KRT77: variants seen among roughly 807,000 people sequenced by gnomAD.
KRT77 encodes keratin 77.
KRT77 carries 44 observed loss-of-function variants against 51.5 expected under a neutral mutation model. The ratio of observed to expected loss-of-function variants is 0.85; its 90% CI spans 0.67 to 1.10. The LOEUF (loss-of-function observed/expected upper bound fraction) is 1.10. Ranked by LOEUF, KRT77 falls within the 50% of genes least tolerant of loss-of-function variation. The pLI, the probability that KRT77 is intolerant of heterozygous loss-of-function variation, is 0.00. For missense variants in KRT77, 763 were observed against 743.9 expected, an observed-to-expected ratio of 1.03 and a Z score of -0.30; for synonymous variants, 293 against 302.0, an observed-to-expected ratio of 0.97 and a Z score of 0.31.
chr12:52,694,904 C>G (rs1034835304), intron 4 of KRT77, 114 bp from the exon 5 acceptor site: 5 of 930,458 alleles, frequency 5.4e-6, no homozygotes, highest in Admixed American at 2.6e-5. Flanking sequence ...GCCAGGTAGT[C>G]TTGGGAAAAG....
chr12:52,698,720 T>C (rs1218041663), intron 1 of KRT77, among the ~76,000 whole-genome samples: 1 of 152,234 alleles, frequency 6.6e-6, no homozygotes, highest in Non-Finnish European at 1.5e-5. Context: ...GCCTCCACCT[T>C]TCCTCAGCCA....
At position 52,700,667 on chromosome 12, in the gene KRT77, G is replaced by A. The variant is rs376220470; in HGVS notation, c.543+2225C>T. Among the ~76,000 whole-genome samples the A allele has an allele frequency of 9.2e-5, 14 of 152,308 alleles. No individual in the cohort carries two copies. In the South Asian group the frequency reaches 1.0e-3, roughly 11 times the overall value. On this transcript the variant is annotated intron_variant, in intron 1 of 8. Coordinates refer to ENST00000341809, the MANE Select transcript of KRT77 (RefSeq NM_175078.3). The stretch of plus-strand genomic sequence containing the variant: ...CTCTGCTTACTAGCCATTGTATCCC[G>A]AAAGCTGTTCCACCCAGTGAGGGCA...
rs1941916827 is a variant in KRT77 at position 52,703,416 on chromosome 12, A to G, written c.19T>C (p.Ser7Pro). The change falls in exon 1 of 9, where the codon TCT becomes CCT. Residue 7 changes from serine (S) to proline (P), a missense_variant. By Grantham distance (74) the Ser-to-Pro change is moderately conservative (BLOSUM62 -1). Coordinates refer to ENST00000341809, the MANE Select transcript of KRT77 (RefSeq NM_175078.3). MSHQFS[S>P]QSAFSSMSRR... ...CTCATTGAACTAAACGCGGACTGAG[A>G]ACTAAATTGGTGGCTCATGTTTGCT... The G allele has an allele frequency of 1.3e-6, 2 of 1,586,660 alleles. No homozygotes were observed. Among genetic ancestry groups the G allele is most frequent in the African/African-American group, 1.3e-5 (1 of 74,156 alleles).
intron 1 of KRT77, among the ~76,000 whole-genome samples, chr12:52,702,642 G>T (rs1293554403): frequency 6.6e-6 from 1 of 151,848 alleles, no homozygotes; most frequent in East Asian, 1.9e-4. Context: ...GAATAATTAT[G>T]AATGAGAATG....
chr12:52,692,060 C>T (rs1396471267), intron 7 of KRT77, 88 bp from the exon 8 acceptor site: 10 of 1,409,794 alleles, frequency 7.1e-6, no homozygotes, highest in Non-Finnish European at 9.0e-6. Flanking sequence ...CAGAGGTGTC[C>T]CCAAGCCTTA....
intron 2 of KRT77, among the ~76,000 whole-genome samples, chr12:52,697,101 A>G (rs1941804870): frequency 6.6e-6 from 1 of 152,230 alleles, no homozygotes. Flanking sequence ...CAGCCACAAT[A>G]CTAAGAACTT....
At chr12:52,696,262 C>G in intron 3 of KRT77, 108 bp downstream of exon 3, 1 of 1,006,930 alleles carries the variant, frequency 9.9e-7, no homozygotes, top group Non-Finnish European at 1.6e-6. Flanking sequence ...CACAGCAAGC[C>G]GGCCGTAGAG....
chr12:52,691,350 C>T lies in KRT77; in HGVS notation c.1552G>A (p.Gly518Ser). The T allele has an allele frequency of 6.3e-7, 1 of 1,595,238 alleles. No individual in the cohort carries two copies. Among genetic ancestry groups the T allele is most frequent in the Non-Finnish European group, 8.5e-7 (1 of 1,172,010 alleles). Residue 518 changes from glycine (G) to serine (S), a missense_variant, in exon 9 of 9, where the codon GGC becomes AGC. Gly to Ser is a moderately conservative substitution (Grantham distance 56, BLOSUM62 0). Transcript: ENST00000341809. ...SGGYGGGSGG[G>S]YGGGRSYRGG... is the part of the protein sequence containing the mutation. ...CGGTAGCTTCTTCCGCCGCCATAGCCCCCACCGCTGCCGCCGCCGTAGCCT... is the reference window on the plus strand; with the variant it reads ...CGGTAGCTTCTTCCGCCGCCATAGCTCCCACCGCTGCCGCCGCCGTAGCCT...
At chr12:52,700,792 G>A (rs963104882) in intron 1 of KRT77, among the ~76,000 whole-genome samples, 2 of 152,214 alleles carry the variant, frequency 1.3e-5, no homozygotes, top group African/African-American at 4.8e-5. Flanking sequence ...TTTTCTTTCA[G>A]TCGAGACAAG....
In KRT77 at chr12:52,691,265, C is replaced by A; in HGVS notation, c.1637G>T (p.Gly546Val). The A allele has an allele frequency of 6.2e-7, 1 of 1,603,716 alleles. No individual in the cohort carries two copies. The highest frequency in any genetic ancestry group is 8.5e-7 in the Non-Finnish European group (1 of 1,175,214). Residue 546 changes from glycine to valine, a missense_variant, in exon 9 of 9, where the codon GGC becomes GTC. By Grantham distance (109) the Gly-to-Val change is moderately radical. Coordinates refer to ENST00000341809, the MANE Select transcript of KRT77 (RefSeq NM_175078.3). ...TCTGCCGCTCCCTCCGTAGCTCCCG[C>A]CACCGCCGCCGCAGCCGCTGCCATA... ...GGYGSGCGGG[G>V]GSYGGSGRSG...
intron 5 of KRT77, among the ~76,000 whole-genome samples, chr12:52,694,036 C>CAA (rs35761312): frequency 2.4e-5 from 3 of 127,240 alleles, no homozygotes; most frequent in African/African-American, 8.5e-5. Flanking sequence ...GTTTCCATCT[C>CAA]AAAAAAAAAA....
At chr12:52,691,872 C>T (rs1941714524) in intron 8 of KRT77, 66 bp downstream of exon 8, 1 of 1,594,130 alleles carries the variant, frequency 6.3e-7, no homozygotes, top group Non-Finnish European at 8.6e-7. Flanking sequence ...CTCTGCTGGC[C>T]ACCTCCTGGC....
intron 1 of KRT77, among the ~76,000 whole-genome samples, chr12:52,701,818 A>G (rs946065045): frequency 1.3e-5 from 2 of 152,214 alleles, no homozygotes; most frequent in Non-Finnish European, 2.9e-5. Flanking sequence ...AAACTCAGAC[A>G]GAACCCTACA....
chr12:52,697,747 CGCACTGA>C lies in KRT77; in HGVS notation c.686_692del (p.Leu229ArgfsTer41). ...CCTCCGCGTTCTGGCGCATCTGCTCCGCACTGAGCAAATCCACCTGCCTCCGCAGGTC... is the reference window on the plus strand; with the variant it reads ...CCTCCGCGTTCTGGCGCATCTGCTCCGCAAATCCACCTGCCTCCGCAGGTC... On this transcript the variant is annotated frameshift_variant, in exon 2 of 9. Coordinates refer to ENST00000341809, the MANE Select transcript of KRT77 (RefSeq NM_175078.3). LOFTEE classifies it high-confidence loss of function. 6.2e-7 allele frequency: 1 copy of C among 1,614,136 alleles called. No individual in the cohort carries two copies.
At chr12:52,702,315 T>G (rs998817339) in intron 1 of KRT77, among the ~76,000 whole-genome samples, 1 of 152,214 alleles carries the variant, frequency 6.6e-6, no homozygotes, top group Non-Finnish European at 1.5e-5. Flanking sequence ...TCATAGATTC[T>G]TAGAAAATAT....
chr12:52,692,027 C>A, intron 7 of KRT77, 55 bp from the exon 8 acceptor site: 2 of 1,583,112 alleles, frequency 1.3e-6, no homozygotes, highest in South Asian at 1.1e-5. Context: ...GGAGAGAAGG[C>A]TGTGGCCCAC....
intron 3 of KRT77, 43 bp from the exon 4 acceptor site, chr12:52,695,910 T>C (rs751976938): frequency 7.9e-7 from 1 of 1,259,246 alleles, no homozygotes; most frequent in Non-Finnish European, 1.2e-6. Context: ...TGCCCAGGCA[T>C]TGCCTGCCAC....
chr12:52,695,628 C>T, intron 4 of KRT77, 144 bp downstream of exon 4: 6 of 629,482 alleles, frequency 9.5e-6, no homozygotes, highest in Non-Finnish European at 1.7e-5. Context: ...GGATGGCTGA[C>T]TCCAGGCCCA....
At position 52,692,453 on chromosome 12, in the gene KRT77, G is replaced by T. The variant is rs1171591327; in HGVS notation, c.1395C>A (p.Thr465=). 2.5e-6 allele frequency: 4 copies of T among 1,613,918 alleles called. No homozygotes were observed. The highest frequency in any genetic ancestry group is 3.4e-6 in the Non-Finnish European group (4 of 1,180,018). ...VKLSLDVEIA[T]YRQLLEGEES... ...CCTCGCCCTCCAGCAGCTGGCGGTAGGTGGCGATCTCCACATCCAGGGACA... is the reference window on the plus strand; with the variant it reads ...CCTCGCCCTCCAGCAGCTGGCGGTATGTGGCGATCTCCACATCCAGGGACA... Residue 465 remains threonine, a synonymous_variant, in exon 7 of 9, where the codon ACC becomes ACA. Coordinates refer to ENST00000341809, the MANE Select transcript of KRT77 (RefSeq NM_175078.3).
Sources: allele counts gnomAD v4.1 joint callset (sites outside exome capture counted in the v4.1 genomes callset), GRCh38; gene constraint gnomAD v4.1.1; transcripts MANE v1.5; gene names NCBI Gene and HGNC (gene_info 2026-07-23, HGNC 2026-07-21).